The following MYO5B variants were observed in gnomAD, a reference collection of about 807,000 sequenced individuals.
The protein encoded by MYO5B is unconventional myosin-Vb.
In MYO5B, 143 loss-of-function variants were observed where a neutral mutation model predicts 229.3. The observed-to-expected ratio is 0.62, with a 90% CI of 0.54 to 0.72. The LOEUF (loss-of-function observed/expected upper bound fraction) is 0.72. MYO5B is among the 30% of genes least tolerant of loss of function. The pLI, the probability that MYO5B is intolerant of heterozygous loss-of-function variation, is 0.00. For missense variants in MYO5B, 2,321 were observed against 2,331.0 expected, an observed-to-expected ratio of 1.00 and a Z score of 0.09; for synonymous variants, 918 against 885.2, an observed-to-expected ratio of 1.04 and a Z score of -0.66.
intron 6 of MYO5B, 137 bp from the exon 7 acceptor site, chr18:49,990,657 C>G (rs1489255768): frequency 1.4e-6 from 1 of 719,398 alleles, no homozygotes; most frequent in Non-Finnish European, 2.5e-6. Flanking sequence ...CACACCTCTG[C>G]CACCTTCAAT....
At chr18:49,878,884 G>A in intron 24 of MYO5B, 61 bp downstream of exon 24, 1 of 1,595,594 alleles carries the variant, frequency 6.3e-7, no homozygotes, top group South Asian at 1.1e-5. Flanking sequence ...AGATCACGTG[G>A]TCAGAAGCTG....
At chr18:49,927,600 T>C (rs2025143533) in intron 17 of MYO5B, among the ~76,000 whole-genome samples, 1 of 152,126 alleles carries the variant, frequency 6.6e-6, no homozygotes, top group African/African-American at 2.4e-5. Flanking sequence ...GACCAAATAC[T>C]GACAGTCAAC....
At chr18:50,153,140 C>T (rs1331771101) in intron 1 of MYO5B, among the ~76,000 whole-genome samples, 3 of 152,166 alleles carry the variant, frequency 2.0e-5, no homozygotes, top group Non-Finnish European at 4.4e-5. Flanking sequence ...CACAATTAGT[C>T]ACCCAAGTTA....
At chr18:49,878,775 G>A (rs978936186) in intron 24 of MYO5B, among the ~76,000 whole-genome samples, 170 bp downstream of exon 24, 1 of 152,194 alleles carries the variant, frequency 6.6e-6, no homozygotes, top group African/African-American at 2.4e-5. Context: ...CAGTAGGAAT[G>A]AATCACCCAG....
intron 22 of MYO5B, among the ~76,000 whole-genome samples, chr18:49,890,293 G>A (rs181026566): frequency 6.6e-6 from 1 of 152,314 alleles, no homozygotes; most frequent in Non-Finnish European, 1.5e-5. Context: ...ACATAAAACA[G>A]GTGGCTGCAT....
intron 29 of MYO5B, among the ~76,000 whole-genome samples, chr18:49,857,316 C>A (rs1651474764): frequency 1.3e-5 from 2 of 152,162 alleles, no homozygotes; most frequent in Admixed American, 6.5e-5. Flanking sequence ...GCAAAAGGGG[C>A]TGGGAGGAGA....
intron 2 of MYO5B, among the ~76,000 whole-genome samples, chr18:50,044,132 A>C (rs981350295): frequency 3.9e-5 from 6 of 152,300 alleles, no homozygotes; most frequent in Non-Finnish European, 7.3e-5. Context: ...GGTTTCAGTA[A>C]AACTGATAAG....
At chr18:50,023,530 T>C (rs1207268345) in intron 4 of MYO5B, among the ~76,000 whole-genome samples, 3 of 152,174 alleles carry the variant, frequency 2.0e-5, no homozygotes, top group African/African-American at 7.2e-5. Flanking sequence ...TCTGGCCAGT[T>C]GAGTTAGAAT....
At position 49,879,097 on chromosome 18, in the gene MYO5B, A is replaced by G; in HGVS notation, c.3131-7T>C. 6.2e-7 allele frequency: 1 copy of G among 1,614,176 alleles called. No homozygotes were observed. Among genetic ancestry groups the G allele is most frequent in the South Asian group, 1.1e-5 (1 of 91,080 alleles). Reference sequence around the variant, plus strand: ...GAGTTCTGGGCAAATTCATCTGGAAAGCAACACGCTAAGCTGCAGTTTTTC... The same window carrying G: ...GAGTTCTGGGCAAATTCATCTGGAAGGCAACACGCTAAGCTGCAGTTTTTC... On this transcript the variant is annotated splice_region_variant and splice_polypyrimidine_tract_variant and intron_variant, in intron 23 of 39. Transcript: ENST00000285039.
chr18:50,071,877 G>C (rs1294345686), intron 1 of MYO5B, among the ~76,000 whole-genome samples: 1 of 152,234 alleles, frequency 6.6e-6, no homozygotes, highest in African/African-American at 2.4e-5. Context: ...GCATCTGAGA[G>C]GAATTTCACT....
intron 1 of MYO5B, among the ~76,000 whole-genome samples, chr18:50,176,871 C>T (rs1010509463): frequency 1.3e-5 from 2 of 152,176 alleles, no homozygotes; most frequent in Admixed American, 1.3e-4. Flanking sequence ...TGTCGTTTAT[C>T]ATCCCAAGTG....
intron 14 of MYO5B, chr18:49,946,315 C>T (rs1182395621): frequency 6.6e-6 from 1 of 152,166 alleles, no homozygotes; most frequent in African/African-American, 2.4e-5. Context: ...CATCCATGCA[C>T]TAACCAGGCC....
chr18:50,044,937 C>A (rs2721083), intron 2 of MYO5B, among the ~76,000 whole-genome samples: 148,761 of 152,160 alleles, frequency 0.98, 72,816 homozygotes, highest in East Asian at 1. Flanking sequence ...CAGTGAGACA[C>A]ATGGTTACAT....
intron 6 of MYO5B, among the ~76,000 whole-genome samples, chr18:49,991,021 C>T (rs1350960205): frequency 2.6e-5 from 4 of 151,574 alleles, no homozygotes; most frequent in African/African-American, 7.3e-5. Context: ...ACTGGCCTTA[C>T]ACCGGTGGGG....
intron 12 of MYO5B, among the ~76,000 whole-genome samples, chr18:49,957,805 T>G (rs1051090083): frequency 1.3e-4 from 20 of 151,826 alleles, no homozygotes; most frequent in African/African-American, 4.4e-4. Context: ...TTCCATTCCA[T>G]ACTTCAGGCC....
intron 14 of MYO5B, among the ~76,000 whole-genome samples, chr18:49,947,162 A>T (rs1014892695): frequency 7.2e-6 from 1 of 139,176 alleles, no homozygotes; most frequent in Non-Finnish European, 1.5e-5. Flanking sequence ...CTGGAGTGCA[A>T]TGGCACGATC....
chr18:49,828,465 G>A (rs667415), intron 39 of MYO5B, among the ~76,000 whole-genome samples: 129,114 of 152,196 alleles, frequency 0.85, 54,858 homozygotes, highest in East Asian at 0.96. Flanking sequence ...TTTAAGGGAG[G>A]ATAGTTCTAC....
chr18:49,887,201 A>G (rs1181801221), intron 22 of MYO5B, among the ~76,000 whole-genome samples: 2 of 152,194 alleles, frequency 1.3e-5, no homozygotes, highest in South Asian at 2.1e-4. Flanking sequence ...ATGAAGTCAC[A>G]TGTTCTTAGG....
chr18:50,088,785 T>C (rs2031384506), intron 1 of MYO5B, among the ~76,000 whole-genome samples: 1 of 152,214 alleles, frequency 6.6e-6, no homozygotes, highest in African/African-American at 2.4e-5. Context: ...TCTTTTCCAG[T>C]CATTGTTTTG....
Sources: allele counts gnomAD v4.1 joint callset (sites outside exome capture counted in the v4.1 genomes callset), GRCh38; gene constraint gnomAD v4.1.1; transcripts MANE v1.5; gene names NCBI Gene and HGNC (gene_info 2026-07-23, HGNC 2026-07-21).